Variants in PSMD1 observed in about 807,000 individuals in gnomAD.
PSMD1 encodes the protein proteasome 26S subunit, non-ATPase 1.
Under a neutral mutation model 119.0 loss-of-function variants are expected in PSMD1, and 18 were observed. The observed-to-expected ratio is 0.15, with a 90% CI of 0.10 to 0.22. The LOEUF is 0.22. Among genes scored for constraint, PSMD1 ranks in the 10% least tolerant of loss-of-function variants. The pLI is 1.00. For missense variants in PSMD1, 702 were observed against 1,158.5 expected, an observed-to-expected ratio of 0.61 and a Z score of 5.72; for synonymous variants, 374 against 396.6, an observed-to-expected ratio of 0.94 and a Z score of 0.68.
intron 16 of PSMD1, chr2:231,108,619 G>A (rs1475828870): frequency 2.5e-6 from 4 of 1,613,956 alleles, no homozygotes; most frequent in Non-Finnish European, 3.4e-6. Context: ...TTGAACTTCG[G>A]AGCCTCATTG....
chr2:231,063,801 A>C (rs1032162732), intron 4 of PSMD1, among the ~76,000 whole-genome samples: 1 of 147,952 alleles, frequency 6.8e-6, no homozygotes, highest in African/African-American at 2.5e-5. Flanking sequence ...GGGGTGAAAT[A>C]CCTTACTTAT....
At chr2:231,138,977 A>T (rs1696037487) in intron 17 of PSMD1, 127 bp downstream of exon 17, 2 of 769,968 alleles carry the variant, frequency 2.6e-6, no homozygotes, top group Non-Finnish European at 4.6e-6. Context: ...CTTGCCATAC[A>T]AAGCTTCCCA....
chr2:231,115,381 G>C (rs1305590287), intron 16 of PSMD1, among the ~76,000 whole-genome samples: 1 of 151,942 alleles, frequency 6.6e-6, no homozygotes, highest in Admixed American at 6.6e-5. Flanking sequence ...TTCCAGAGTT[G>C]GTATGTGGCA....
intron 16 of PSMD1, among the ~76,000 whole-genome samples, chr2:231,112,778 T>C (rs184528982): frequency 6.6e-6 from 1 of 152,330 alleles, no homozygotes. Flanking sequence ...TACAGGGCCG[T>C]AAGACGATTT....
chr2:231,164,157 T>C (rs984729176), intron 21 of PSMD1, among the ~76,000 whole-genome samples: 2 of 152,212 alleles, frequency 1.3e-5, no homozygotes, highest in Non-Finnish European at 2.9e-5. Flanking sequence ...CATTTAAGGT[T>C]ATTTCTCATT....
intron 18 of PSMD1, among the ~76,000 whole-genome samples, chr2:231,148,353 G>C (rs1269605854): frequency 6.6e-6 from 1 of 152,160 alleles, no homozygotes; most frequent in African/African-American, 2.4e-5. Flanking sequence ...TTGTCAGCAA[G>C]ACAAATGTTC....
chr2:231,096,841 G>C (rs1164229469), intron 16 of PSMD1, among the ~76,000 whole-genome samples: 1 of 152,228 alleles, frequency 6.6e-6, no homozygotes, highest in Non-Finnish European at 1.5e-5. Context: ...GAATGACGGG[G>C]TGAGCGCTTT....
chr2:231,074,382 G>A (rs1049466146), intron 7 of PSMD1, among the ~76,000 whole-genome samples: 10 of 152,000 alleles, frequency 6.6e-5, no homozygotes, highest in African/African-American at 1.4e-4. Context: ...CTGGGATTAC[G>A]GGTGTGAGCC....
Position 231,081,520 on chromosome 2 carries a change from A to G in PSMD1, c.1413+1206A>G, listed in dbSNP as rs946974180. On this transcript the variant is annotated intron_variant, in intron 12 of 24. Coordinates refer to ENST00000308696, the MANE Select transcript of PSMD1 (RefSeq NM_002807.4). ...TTTCAGGACCCTACCTTCAGGATGA[A>G]TGAACTTGAAACATTTTTGGCCATT... Among the ~76,000 whole-genome samples, 5 of 152,354 alleles carry G rather than the reference A, an allele frequency of 3.3e-5. No homozygotes were observed. In the East Asian group the frequency reaches 5.8e-4, roughly 18 times the overall value.
At chr2:231,127,246 G>A (rs1351807710) in intron 16 of PSMD1, among the ~76,000 whole-genome samples, 1 of 151,034 alleles carries the variant, frequency 6.6e-6, no homozygotes, top group Admixed American at 6.6e-5. Flanking sequence ...ATAGCAAATA[G>A]GGTCAACTGA....
intron 6 of PSMD1, among the ~76,000 whole-genome samples, 186 bp from the exon 7 acceptor site, chr2:231,072,003 A>G (rs1303167946): frequency 6.6e-6 from 1 of 152,208 alleles, no homozygotes; most frequent in Non-Finnish European, 1.5e-5. Flanking sequence ...TATGGAAGAC[A>G]GATGCCATGT....
chr2:231,092,396 G>C (rs1056115210), intron 16 of PSMD1, among the ~76,000 whole-genome samples: 2 of 152,152 alleles, frequency 1.3e-5, no homozygotes, highest in African/African-American at 4.8e-5. Context: ...CATATGGATG[G>C]GTAGTGCAAA....
intron 15 of PSMD1, 99 bp from the exon 16 acceptor site, chr2:231,087,017 TG>T (rs1694468504): frequency 1.2e-6 from 1 of 836,494 alleles, no homozygotes; most frequent in African/African-American, 1.7e-5. Context: ...CTATCAGTAG[TG>T]AGGTATACAC....
At chr2:231,107,047 G>T (rs1456395596) in intron 16 of PSMD1, among the ~76,000 whole-genome samples, 1 of 152,118 alleles carries the variant, frequency 6.6e-6, no homozygotes, top group African/African-American at 2.4e-5. Context: ...TGCCTCTTAT[G>T]TGAGATAACC....
chr2:231,144,211 C>G (rs7593321), intron 17 of PSMD1, among the ~76,000 whole-genome samples: 25,813 of 151,234 alleles, frequency 0.17, 4,828 homozygotes, highest in African/African-American at 0.47. Flanking sequence ...CGTGAGCCAT[C>G]GCACCCAACC....
intron 14 of PSMD1, 58 bp from the exon 15 acceptor site, chr2:231,084,961 C>A: frequency 7.2e-7 from 1 of 1,389,752 alleles, no homozygotes. Flanking sequence ...GCCTATTAGA[C>A]TGTAGAAGTT....
intron 16 of PSMD1, among the ~76,000 whole-genome samples, chr2:231,128,929 AT>A (rs200010775): frequency 2.6e-5 from 4 of 151,852 alleles, no homozygotes; most frequent in Admixed American, 2.6e-4. Context: ...AAAGAATAAG[AT>A]TTTTTTTTGT....
At chr2:231,091,695 C>A (rs1694598831) in intron 16 of PSMD1, among the ~76,000 whole-genome samples, 1 of 152,168 alleles carries the variant, frequency 6.6e-6, no homozygotes. Flanking sequence ...TCACATCCTT[C>A]CATATGGCTG....
At chr2:231,107,735 C>T (rs905952093) in intron 16 of PSMD1, among the ~76,000 whole-genome samples, 1 of 152,178 alleles carries the variant, frequency 6.6e-6, no homozygotes, top group Non-Finnish European at 1.5e-5. Flanking sequence ...CAGGCATGAT[C>T]TCACTTAAAG....
Sources: allele counts gnomAD v4.1 joint callset (sites outside exome capture counted in the v4.1 genomes callset), GRCh38; gene constraint gnomAD v4.1.1; transcripts MANE v1.5; gene names NCBI Gene and HGNC (gene_info 2026-07-23, HGNC 2026-07-21).